PRDM5: variants seen among roughly 807,000 people sequenced by gnomAD.
PRDM5 encodes PR domain zinc finger protein 5.
PRDM5 carries 56 observed loss-of-function variants against 81.2 expected under a neutral mutation model. The observed-to-expected ratio is 0.69, with a 90% confidence interval of 0.56 to 0.86. PRDM5 has a LOEUF of 0.86. Among genes scored for constraint, PRDM5 ranks in the 40% least tolerant of loss-of-function variants. The pLI is 0.00. For missense variants in PRDM5, 697 were observed against 770.1 expected (o/e 0.91, Z 1.12); for synonymous variants, 267 against 256.4 (o/e 1.04, Z -0.39).
intron 12 of PRDM5, 34 bp from the exon 13 acceptor site, chr4:120,777,315 A>T (rs1262082346): frequency 6.2e-7 from 1 of 1,612,754 alleles, no homozygotes. Context: ...CTAAGGATAA[A>T]TACAAAGAAT....
chr4:120,853,560 T>G lies in PRDM5; in HGVS notation c.178-20A>C, dbSNP rs146899694. 6.2e-7 allele frequency: 1 copy of G among 1,613,344 alleles called. No homozygotes were observed. Among genetic ancestry groups the G allele is most frequent in the African/African-American group, 1.3e-5 (1 of 74,852 alleles). ...ACGAACCTGAAACATTAAAGGCTCC[T>G]GAGTTTACAATGGAAGTCAGAATAT... On this transcript the variant is annotated intron_variant, in intron 2 of 15. Transcript: ENST00000264808.
chr4:120,820,301 C>G (rs1755095967), intron 4 of PRDM5, among the ~76,000 whole-genome samples: 2 of 152,162 alleles, frequency 1.3e-5, no homozygotes, highest in Admixed American at 6.5e-5. Flanking sequence ...TCACCAGACA[C>G]CAAATCTGCT....
chr4:120,886,997 G>A (rs1378442563), intron 2 of PRDM5, among the ~76,000 whole-genome samples: 1 of 151,020 alleles, frequency 6.6e-6, no homozygotes, highest in Admixed American at 6.6e-5. Flanking sequence ...CCAAGCTGGA[G>A]TGCAGTGGCC....
intron 14 of PRDM5, among the ~76,000 whole-genome samples, chr4:120,751,072 C>A (rs963791655): frequency 5.3e-5 from 8 of 152,182 alleles, no homozygotes; most frequent in East Asian, 1.9e-4. Flanking sequence ...CTTACAGGGT[C>A]TTACCCTGTC....
intron 14 of PRDM5, among the ~76,000 whole-genome samples, chr4:120,727,734 G>A (rs371171276): frequency 6.6e-6 from 1 of 152,050 alleles, no homozygotes; most frequent in African/African-American, 2.4e-5. Context: ...TCAGGAGTTC[G>A]AGACTAGCCT....
At chr4:120,826,458 T>C (rs988583679) in intron 3 of PRDM5, among the ~76,000 whole-genome samples, 1 of 152,188 alleles carries the variant, frequency 6.6e-6, no homozygotes. Context: ...TCTGTGGTTT[T>C]TGTCACTTAA....
At chr4:120,895,289 G>A (rs74928063) in intron 2 of PRDM5, among the ~76,000 whole-genome samples, 7,433 of 152,196 alleles carry the variant, frequency 0.049, 245 homozygotes, top group East Asian at 0.15. Flanking sequence ...ACAGAAATGG[G>A]TAGAGATGTT....
intron 14 of PRDM5, among the ~76,000 whole-genome samples, chr4:120,751,520 T>C (rs1743998606): frequency 6.7e-6 from 1 of 148,260 alleles, no homozygotes; most frequent in South Asian, 2.1e-4. Flanking sequence ...TGGCCAAGAA[T>C]TTTCTGAAAT....
rs186491933 is a variant in PRDM5, at chr4:120,820,989, A to T, written c.475+182T>A. On this transcript the variant is annotated intron_variant, in intron 4 of 15. Transcript: ENST00000264808. ...GGGTACATCCATCACCCACTCCCAA[A>T]ATACTTTTCCTGCTGTAACAAAGAT... 3.9e-4 allele frequency among the ~76,000 whole-genome samples: 60 copies of T among 152,340 alleles called. 1 individual carries two copies. In the East Asian group the frequency reaches 0.011, roughly 29 times the overall value.
At chr4:120,748,823 G>A (rs17051240) in intron 14 of PRDM5, among the ~76,000 whole-genome samples, 7,016 of 152,074 alleles carry the variant, frequency 0.046, 320 homozygotes, top group Middle Eastern at 0.16. Context: ...GCCTGAGGCC[G>A]CCAGGGTCTG....
chr4:120,839,111 T>C, intron 3 of PRDM5: 1 of 628,698 alleles, frequency 1.6e-6, no homozygotes, highest in Non-Finnish European at 2.9e-6. Context: ...AAAGAAGGAG[T>C]CACAGCCCTG....
chr4:120,794,791 T>A (rs1254482046), intron 10 of PRDM5, among the ~76,000 whole-genome samples: 1 of 151,962 alleles, frequency 6.6e-6, no homozygotes, highest in Non-Finnish European at 1.5e-5. Flanking sequence ...ACCCGGCTAA[T>A]TTTTTTGTAT....
chr4:120,732,203 T>C (rs1380991507), intron 14 of PRDM5, among the ~76,000 whole-genome samples: 3 of 152,184 alleles, frequency 2.0e-5, no homozygotes, highest in Admixed American at 2.0e-4. Flanking sequence ...ATTGTTTTAT[T>C]CTTAAGACTG....
At chr4:120,813,267 A>C (rs2149328849) in intron 7 of PRDM5, among the ~76,000 whole-genome samples, 2 of 152,324 alleles carry the variant, frequency 1.3e-5, no homozygotes, top group East Asian at 3.9e-4. Context: ...TAACCATAAA[A>C]TATGTTTTCA....
At chr4:120,806,019 A>T (rs201165962) in intron 8 of PRDM5, among the ~76,000 whole-genome samples, 1 of 152,214 alleles carries the variant, frequency 6.6e-6, no homozygotes, top group African/African-American at 2.4e-5. Context: ...ACAAAATCAA[A>T]GTGCAAAAAT....
At chr4:120,823,908 T>C (rs1755619219) in intron 3 of PRDM5, among the ~76,000 whole-genome samples, 1 of 152,200 alleles carries the variant, frequency 6.6e-6, no homozygotes, top group Non-Finnish European at 1.5e-5. Context: ...CCGTTCTCAG[T>C]ATAATGAATG....
At chr4:120,793,963 T>C (rs145208521) in intron 10 of PRDM5, among the ~76,000 whole-genome samples, 9 of 152,258 alleles carry the variant, frequency 5.9e-5, no homozygotes, top group African/African-American at 7.2e-5. Flanking sequence ...GTAAAAAATA[T>C]TGTTTGAAAT....
intron 2 of PRDM5, among the ~76,000 whole-genome samples, chr4:120,897,947 T>G (rs1205708652): frequency 2.6e-5 from 4 of 152,220 alleles, no homozygotes. Context: ...CAGTTTCTAT[T>G]GTCCAGCTTT....
chr4:120,825,547 C>G (rs2597538), intron 3 of PRDM5, among the ~76,000 whole-genome samples: 38,073 of 152,026 alleles, frequency 0.25, 5,522 homozygotes, highest in East Asian at 0.35. Flanking sequence ...TCAAAGCATG[C>G]TCAGAATGAT....
Sources: allele counts gnomAD v4.1 joint callset (sites outside exome capture counted in the v4.1 genomes callset), GRCh38; gene constraint gnomAD v4.1.1; transcripts MANE v1.5; gene names NCBI Gene and HGNC (gene_info 2026-07-23, HGNC 2026-07-21).